SYNPR: variants seen among roughly 807,000 people sequenced by gnomAD.
SYNPR encodes synaptoporin.
In SYNPR, 23 loss-of-function variants were observed where a neutral mutation model predicts 32.9. The observed-to-expected ratio is 0.70, with a 90% CI of 0.50 to 0.99. The LOEUF is 0.99. Ranked by LOEUF, SYNPR falls within the 50% of genes least tolerant of loss-of-function variation. The pLI, the probability that SYNPR is intolerant of heterozygous loss-of-function variation, is 0.00. For missense variants in SYNPR, 318 were observed against 349.3 expected (o/e 0.91, Z 0.71); for synonymous variants, 146 against 135.9 (o/e 1.07, Z -0.52).
chr3:63,354,060 G>A (rs1368075665), intron 2 of SYNPR, among the ~76,000 whole-genome samples: 1 of 152,164 alleles, frequency 6.6e-6, no homozygotes, highest in Non-Finnish European at 1.5e-5. Context: ...AGTTGCTGAA[G>A]AACCTCTCTA....
At chr3:63,348,619 AG>A (rs2087468418) in intron 2 of SYNPR, among the ~76,000 whole-genome samples, 2 of 152,320 alleles carry the variant, frequency 1.3e-5, no homozygotes, top group African/African-American at 4.8e-5. Flanking sequence ...AATGGCCAGA[AG>A]AGCTTTCTCT....
intron 2 of SYNPR, among the ~76,000 whole-genome samples, chr3:63,457,346 A>G (rs899790677): frequency 6.6e-6 from 1 of 152,062 alleles, no homozygotes; most frequent in Admixed American, 6.6e-5. Flanking sequence ...TTCCACTTAT[A>G]ATGATCCTTT....
intron 2 of SYNPR, among the ~76,000 whole-genome samples, chr3:63,288,530 C>T (rs6783924): frequency 0.29 from 43,907 of 152,066 alleles, 7,558 homozygotes; most frequent in Non-Finnish European, 0.39. Flanking sequence ...ACCTTTGGCT[C>T]TTCAGCACAT....
At chr3:63,388,708 G>C (rs1041652267) in intron 2 of SYNPR, among the ~76,000 whole-genome samples, 1 of 151,852 alleles carries the variant, frequency 6.6e-6, no homozygotes, top group African/African-American at 2.4e-5. Context: ...GATTATAGGC[G>C]TGAGCCACCA....
At chr3:63,268,497 A>T (rs2086509775) in intron 3 of SYNPR, among the ~76,000 whole-genome samples, 1 of 152,218 alleles carries the variant, frequency 6.6e-6, no homozygotes, top group Admixed American at 6.5e-5. Context: ...TATTAACACA[A>T]ATTTGTATGT....
intron 2 of SYNPR, among the ~76,000 whole-genome samples, chr3:63,432,536 G>A (rs940132111): frequency 1.3e-5 from 2 of 152,184 alleles, no homozygotes; most frequent in African/African-American, 4.8e-5. Context: ...CCTATGAATT[G>A]CTTAGGAAAG....
intron 2 of SYNPR, among the ~76,000 whole-genome samples, chr3:63,474,810 T>C (rs1700868971): frequency 6.6e-6 from 1 of 151,950 alleles, no homozygotes; most frequent in Non-Finnish European, 1.5e-5. Flanking sequence ...TCTTGTTTCT[T>C]CCAGGATTGG....
At chr3:63,325,029 T>C (rs2106973660) in intron 2 of SYNPR, among the ~76,000 whole-genome samples, 1 of 152,264 alleles carries the variant, frequency 6.6e-6, no homozygotes, top group East Asian at 1.9e-4. Context: ...TGGTGAAGAA[T>C]GCTTTATGAA....
At chr3:63,528,687 T>C (rs1272996781) in intron 3 of SYNPR, among the ~76,000 whole-genome samples, 1 of 152,130 alleles carries the variant, frequency 6.6e-6, no homozygotes. Flanking sequence ...TTGTCTTTAC[T>C]TCATTCTCAC....
chr3:63,387,808 G>A (rs992257505), intron 2 of SYNPR, among the ~76,000 whole-genome samples: 14 of 152,260 alleles, frequency 9.2e-5, no homozygotes, highest in African/African-American at 2.9e-4. Flanking sequence ...CTTGAAGTGC[G>A]GGAGAATTGG....
chr3:63,393,738 G>A (rs561201956), intron 2 of SYNPR, among the ~76,000 whole-genome samples: 7 of 151,766 alleles, frequency 4.6e-5, no homozygotes, highest in Admixed American at 1.3e-4. Context: ...CTTGAGCTCC[G>A]TGCCTCAAGC....
intron 2 of SYNPR, among the ~76,000 whole-genome samples, chr3:63,430,281 A>T (rs952289671): frequency 2.0e-5 from 3 of 152,184 alleles, no homozygotes; most frequent in African/African-American, 7.2e-5. Context: ...CAAAGCATTA[A>T]CACGTCTTTA....
chr3:63,517,848 G>A (rs11707762), intron 3 of SYNPR, among the ~76,000 whole-genome samples: 58,081 of 152,028 alleles, frequency 0.38, 13,297 homozygotes, highest in African/African-American at 0.65. Flanking sequence ...AATCATTGCT[G>A]TTTACTGGAT....
intron 2 of SYNPR, among the ~76,000 whole-genome samples, chr3:63,414,922 A>C (rs547647935): frequency 1.2e-4 from 19 of 152,304 alleles, no homozygotes; most frequent in Admixed American, 1.0e-3. Flanking sequence ...TTTTATCTCT[A>C]AAAGTGCAAA....
intron 2 of SYNPR, chr3:63,451,978 T>C (rs1700387063): frequency 1.5e-6 from 1 of 661,418 alleles, no homozygotes; most frequent in Non-Finnish European, 2.7e-6. Flanking sequence ...CCTCAACTTC[T>C]GAGGCATTTG....
intron 2 of SYNPR, among the ~76,000 whole-genome samples, chr3:63,297,730 G>T (rs1032038463): frequency 6.6e-6 from 1 of 152,072 alleles, no homozygotes; most frequent in Non-Finnish European, 1.5e-5. Flanking sequence ...GAATAATTTG[G>T]TGGGCAGGGG....
At chr3:63,558,584 C>A (rs554655353) in intron 4 of SYNPR, among the ~76,000 whole-genome samples, 1 of 152,072 alleles carries the variant, frequency 6.6e-6, no homozygotes, top group Non-Finnish European at 1.5e-5. Context: ...GTTATCCTCC[C>A]GCCTCGGCCT....
chr3:63,540,545 A>C (rs571375971), intron 3 of SYNPR, among the ~76,000 whole-genome samples: 1 of 152,098 alleles, frequency 6.6e-6, no homozygotes, highest in East Asian at 1.9e-4. Context: ...AAAAGAAACG[A>C]GCCTCTGCAT....
At chr3:63,600,172 T>G (rs1700018211) in intron 4 of SYNPR, among the ~76,000 whole-genome samples, 1 of 152,214 alleles carries the variant, frequency 6.6e-6, no homozygotes, top group Admixed American at 6.5e-5. Context: ...ACCTACGTCA[T>G]AAGATGAATG....
Sources: allele counts gnomAD v4.1 joint callset (sites outside exome capture counted in the v4.1 genomes callset), GRCh38; gene constraint gnomAD v4.1.1; transcripts MANE v1.5; gene names NCBI Gene and HGNC (gene_info 2026-07-23, HGNC 2026-07-21).